The following NALF1 variants were observed in gnomAD, a reference collection of about 807,000 sequenced individuals.
The protein encoded by NALF1 is family with sequence similarity 155 member A.
Under a neutral mutation model 48.4 loss-of-function variants are expected in NALF1, and 3 were observed. The ratio of observed to expected loss-of-function variants is 0.06; its 90% CI spans 0.03 to 0.16. The LOEUF (loss-of-function observed/expected upper bound fraction) is 0.16. Among genes scored for constraint, NALF1 ranks in the 10% least tolerant of loss-of-function variants. NALF1 has a pLI of 1.00. For synonymous variants in NALF1, 262 were observed against 245.7 expected (o/e 1.07, Z -0.62); for missense variants, 526 against 571.5 (o/e 0.92, Z 0.81).
chr13:107,452,541 T>G (rs1884759873), intron 1 of NALF1, among the ~76,000 whole-genome samples: 1 of 152,014 alleles, frequency 6.6e-6, no homozygotes, highest in African/African-American at 2.4e-5. Flanking sequence ...TTAAATTACC[T>G]CCACCTGGTC....
intron 1 of NALF1, among the ~76,000 whole-genome samples, chr13:107,267,946 G>A (rs1443733891): frequency 6.6e-6 from 1 of 151,194 alleles, no homozygotes; most frequent in Non-Finnish European, 1.5e-5. Flanking sequence ...TCAGAATGAT[G>A]AGCAATTTAA....
chr13:107,447,308 C>A (rs1884666928), intron 1 of NALF1, among the ~76,000 whole-genome samples: 1 of 152,002 alleles, frequency 6.6e-6, no homozygotes, highest in African/African-American at 2.4e-5. Flanking sequence ...TGATTTTGTC[C>A]TGCCTTGGCC....
At chr13:107,566,593 G>C (rs1234977041) in intron 1 of NALF1, among the ~76,000 whole-genome samples, 1 of 152,166 alleles carries the variant, frequency 6.6e-6, no homozygotes, top group Non-Finnish European at 1.5e-5. Flanking sequence ...TCACGGAAAG[G>C]GGTTCGCACG....
rs370215317 is a variant in NALF1 at position 107,324,698 on chromosome 13, T to C, written c.916-113943A>G. ...TGCCTGTGTGTGTGCACAGTAGATA[T>C]ACTTGTAAACTCATGAAACAGTGGC... On this transcript the variant is annotated intron_variant, in intron 1 of 2. Transcript: ENST00000375915. Among the ~76,000 whole-genome samples, 3 of 152,222 alleles carry C rather than the reference T, an allele frequency of 2.0e-5. 1 individual carries two copies. The highest frequency in any genetic ancestry group is 3.8e-4 in the East Asian group (2 of 5,198).
At chr13:107,385,743 T>C (rs1209623077) in intron 1 of NALF1, among the ~76,000 whole-genome samples, 1 of 152,232 alleles carries the variant, frequency 6.6e-6, no homozygotes, top group Non-Finnish European at 1.5e-5. Flanking sequence ...TATATGCCAA[T>C]TCTTTAAAAA....
rs564056043 is a variant in NALF1 at position 107,563,379 on chromosome 13, T to A, written c.915+302303A>T. Among the ~76,000 whole-genome samples, 105 of 152,266 alleles carry A rather than the reference T, an allele frequency of 6.9e-4. 1 individual carries two copies. The highest frequency in any genetic ancestry group is 2.5e-3 in the African/African-American group (103 of 41,556). On this transcript the variant is annotated intron_variant, in intron 1 of 2. Transcript: ENST00000375915. ...AAGTGTGATACAAGAAACACCAGCA[T>A]CAACATCATTAGAGAGCTCCTCAGA...
chr13:107,775,305 G>A (rs1157590508), intron 1 of NALF1, among the ~76,000 whole-genome samples: 2 of 147,268 alleles, frequency 1.4e-5, no homozygotes, highest in Non-Finnish European at 3.0e-5. Context: ...AATATGCGGT[G>A]TTTGGTTTTT....
intron 1 of NALF1, among the ~76,000 whole-genome samples, chr13:107,248,056 G>C (rs1459067632): frequency 6.6e-6 from 1 of 152,014 alleles, no homozygotes. Context: ...GGGAAAGAAA[G>C]GTGTCCTACC....
rs116839924 is a variant in NALF1, at chr13:107,689,287, G to A, written c.915+176395C>T. On this transcript the variant is annotated intron_variant, in intron 1 of 2. Coordinates refer to ENST00000375915, the MANE Select transcript of NALF1 (RefSeq NM_001080396.3). ...CCTTGTCTCCTTCTTCTTTTTTCTC[G>A]TCTCTTTTCTCTTTTCCTGTACTCA... Among the ~76,000 whole-genome samples the A allele has an allele frequency of 7.0e-3, 1,062 of 151,790 alleles. 8 individuals carry two copies. The highest frequency in any genetic ancestry group is 0.024 in the African/African-American group (990 of 41,368).
intron 1 of NALF1, among the ~76,000 whole-genome samples, chr13:107,755,884 T>C (rs1171185558): frequency 1.3e-5 from 2 of 152,168 alleles, no homozygotes; most frequent in African/African-American, 2.4e-5. Context: ...TTTGCCCTCA[T>C]ATTTTATTTA....
At chr13:107,639,766 G>T (rs1334583159) in intron 1 of NALF1, among the ~76,000 whole-genome samples, 5 of 152,112 alleles carry the variant, frequency 3.3e-5, no homozygotes, top group African/African-American at 1.2e-4. Flanking sequence ...AGTAAAGAGG[G>T]TCATGTCCAG....
At chr13:107,773,592 C>G (rs992508258) in intron 1 of NALF1, among the ~76,000 whole-genome samples, 1 of 151,590 alleles carries the variant, frequency 6.6e-6, no homozygotes, top group African/African-American at 2.4e-5. Flanking sequence ...TTTTTAACAA[C>G]AGTATGCGTT....
At chr13:107,616,373 A>G (rs1380351870) in intron 1 of NALF1, among the ~76,000 whole-genome samples, 1 of 152,210 alleles carries the variant, frequency 6.6e-6, no homozygotes, top group Non-Finnish European at 1.5e-5. Flanking sequence ...TTGCATAATA[A>G]TCCAAGGACA....
chr13:107,304,840 T>C (rs774853286), intron 1 of NALF1, among the ~76,000 whole-genome samples: 4 of 152,242 alleles, frequency 2.6e-5, no homozygotes, highest in Non-Finnish European at 5.9e-5. Flanking sequence ...TATTTACCAC[T>C]GTTGTTATTA....
intron 1 of NALF1, among the ~76,000 whole-genome samples, chr13:107,592,795 T>G (rs1035997651): frequency 6.6e-6 from 1 of 151,852 alleles, no homozygotes; most frequent in South Asian, 2.1e-4. Flanking sequence ...TTAACAGCAT[T>G]TGTAGTTACC....
chr13:107,716,003 T>C (rs1427493961), intron 1 of NALF1, among the ~76,000 whole-genome samples: 1 of 152,144 alleles, frequency 6.6e-6, no homozygotes, highest in Non-Finnish European at 1.5e-5. Flanking sequence ...CTAAGTTCGA[T>C]GTATGGAACA....
intron 1 of NALF1, among the ~76,000 whole-genome samples, chr13:107,477,967 C>T (rs1052041167): frequency 1.3e-5 from 2 of 151,942 alleles, no homozygotes; most frequent in African/African-American, 2.4e-5. Flanking sequence ...AGTATAAATG[C>T]CTCCTGTCAC....
At chr13:107,590,951 A>G (rs1878586559) in intron 1 of NALF1, among the ~76,000 whole-genome samples, 1 of 152,030 alleles carries the variant, frequency 6.6e-6, no homozygotes, top group African/African-American at 2.4e-5. Context: ...AAGTCATAGG[A>G]TAGGTAGGAT....
intron 2 of NALF1, among the ~76,000 whole-genome samples, chr13:107,208,702 C>T (rs1023040730): frequency 6.6e-6 from 1 of 151,682 alleles, no homozygotes; most frequent in Non-Finnish European, 1.5e-5. Flanking sequence ...ACCTCATTGT[C>T]CCACAAGAAA....
Sources: allele counts gnomAD v4.1 joint callset (sites outside exome capture counted in the v4.1 genomes callset), GRCh38; gene constraint gnomAD v4.1.1; transcripts MANE v1.5; gene names NCBI Gene and HGNC (gene_info 2026-07-23, HGNC 2026-07-21).